The following ZNF536 variants were observed in gnomAD, a reference collection of about 807,000 sequenced individuals.
ZNF536 encodes the protein zinc finger protein 536.
A neutral mutation model predicts 84.5 loss-of-function variants in ZNF536; 13 were observed. That is an observed-to-expected ratio of 0.15 (90% CI 0.10 to 0.24). ZNF536 has a LOEUF of 0.24. Among genes scored for constraint, ZNF536 ranks in the 10% least tolerant of loss-of-function variants. The probability of loss-of-function intolerance (pLI) is 1.00; values close to 1 mark genes in which losing one functional copy is unlikely to be tolerated. For missense variants in ZNF536, 1,536 were observed against 1,747.5 expected, an observed-to-expected ratio of 0.88 and a Z score of 2.16; for synonymous variants, 811 against 742.5, an observed-to-expected ratio of 1.09 and a Z score of -1.50.
intron 2 of ZNF536, among the ~76,000 whole-genome samples, chr19:30,485,652 C>T (rs557485351): frequency 5.3e-5 from 8 of 150,522 alleles, no homozygotes; most frequent in Admixed American, 5.3e-4. Context: ...TGTGGAATTC[C>T]GTGTAAAGGC....
intron 1 of ZNF536, among the ~76,000 whole-genome samples, chr19:30,682,181 A>G: frequency 6.6e-6 from 1 of 152,110 alleles, no homozygotes; most frequent in East Asian, 1.9e-4. Flanking sequence ...TGACCCAGCC[A>G]GGCAAGGGGA....
chr19:30,683,576 C>G (rs1486097322), intron 1 of ZNF536, among the ~76,000 whole-genome samples: 1 of 151,726 alleles, frequency 6.6e-6, no homozygotes, highest in African/African-American at 2.4e-5. Flanking sequence ...CTTTTTCCCT[C>G]TGATGGTTTC....
At chr19:30,593,534 G>A (rs916920498) in intron 1 of ZNF536, among the ~76,000 whole-genome samples, 26 of 152,164 alleles carry the variant, frequency 1.7e-4, no homozygotes, top group Admixed American at 1.4e-3. Flanking sequence ...TCCTAAAAAG[G>A]TAGGCAGGCC....
chr19:30,383,672 CTT>C (rs1568376379), intron 1 of ZNF536, among the ~76,000 whole-genome samples: 7 of 24,008 alleles, frequency 2.9e-4, no homozygotes, highest in African/African-American at 1.1e-3. Context: ...CTCTTTCTTT[CTT>C]CCTTTCTTCC....
intron 1 of ZNF536, among the ~76,000 whole-genome samples, chr19:30,594,252 T>C (rs1392756931): frequency 1.3e-5 from 2 of 152,180 alleles, no homozygotes; most frequent in Admixed American, 6.5e-5. Flanking sequence ...CCAGCATCTG[T>C]CCATACACGG....
intron 1 of ZNF536, among the ~76,000 whole-genome samples, chr19:30,617,362 T>TTTTTTTTTTTTTA (rs1568607054): frequency 8.9e-6 from 1 of 112,180 alleles, no homozygotes; most frequent in East Asian, 2.7e-4. Flanking sequence ...TTTTTTTTTT[T>TTTTTTTTTTTTTA]TTTTATGAGA....
chr19:30,466,759 A>AGGAAGGAAGGAG, intron 2 of ZNF536, among the ~76,000 whole-genome samples: 1 of 51,656 alleles, frequency 1.9e-5, no homozygotes, highest in Non-Finnish European at 3.3e-5. Context: ...AAAGGAGGGA[A>AGGAAGGAAGGAG]GGAAGGAAGG....
chr19:30,375,400 G>A (rs1371370133), intron 1 of ZNF536, among the ~76,000 whole-genome samples: 1 of 152,036 alleles, frequency 6.6e-6, no homozygotes, highest in Non-Finnish European at 1.5e-5. Context: ...CTGGGTGCGC[G>A]GGGGCTCCCC....
intron 1 of ZNF536, among the ~76,000 whole-genome samples, chr19:30,253,469 T>C (rs772108700): frequency 1.3e-5 from 2 of 152,242 alleles, no homozygotes; most frequent in Non-Finnish European, 2.9e-5. Context: ...ACACGCGTTC[T>C]GTCATCAGGG....
chr19:30,387,832 AG>A (rs906348968), intron 1 of ZNF536, among the ~76,000 whole-genome samples: 2 of 152,160 alleles, frequency 1.3e-5, no homozygotes, highest in Admixed American at 1.3e-4. Flanking sequence ...AGCCCAGCCT[AG>A]AGAGGGGACT....
intron 1 of ZNF536, among the ~76,000 whole-genome samples, chr19:30,246,382 C>G (rs2024276624): frequency 6.6e-6 from 1 of 152,192 alleles, no homozygotes; most frequent in African/African-American, 2.4e-5. Flanking sequence ...TCGATTTTCT[C>G]CCGTCTGTCT....
At chr19:30,623,861 C>G (rs2048578391) in intron 1 of ZNF536, among the ~76,000 whole-genome samples, 1 of 152,148 alleles carries the variant, frequency 6.6e-6, no homozygotes, top group Non-Finnish European at 1.5e-5. Flanking sequence ...GTGTCTGGTA[C>G]TGGAGGGGCC....
At chr19:30,497,344 A>C (rs945551630) in intron 2 of ZNF536, among the ~76,000 whole-genome samples, 2 of 152,218 alleles carry the variant, frequency 1.3e-5, no homozygotes, top group African/African-American at 4.8e-5. Context: ...TGGCTGGGTC[A>C]TTCCTCATGC....
intron 2 of ZNF536, among the ~76,000 whole-genome samples, chr19:30,500,271 A>G (rs556729024): frequency 4.6e-5 from 7 of 152,310 alleles, no homozygotes; most frequent in African/African-American, 1.4e-4. Context: ...CTGGTTCTAG[A>G]ATCTCAGCAG....
rs376999780 is a variant in ZNF536, at chr19:30,412,942, A to C, written c.-2-30619A>C. ...CTTTTATTCAAGTATGTTACTTCTC[A>C]TTGTCATATCTGATAATTTTTTTAG... On this transcript the variant is annotated intron_variant, in intron 1 of 4. Transcript: ENST00000355537. Among the ~76,000 whole-genome samples, 57 of 152,072 alleles carry C rather than the reference A, an allele frequency of 3.7e-4. 1 individual carries two copies. The highest frequency in any genetic ancestry group is 3.5e-3 in the South Asian group (17 of 4,820).
intron 1 of ZNF536, among the ~76,000 whole-genome samples, chr19:30,426,398 C>T (rs1051398267): frequency 2.6e-5 from 4 of 152,162 alleles, no homozygotes; most frequent in South Asian, 2.1e-4. Context: ...TGCATGGAAA[C>T]GCTCTCTCCT....
At chr19:30,464,243 C>T (rs768753716) in intron 2 of ZNF536, among the ~76,000 whole-genome samples, 29 of 152,090 alleles carry the variant, frequency 1.9e-4, no homozygotes, top group Non-Finnish European at 3.5e-4. Flanking sequence ...AGGCCTGGGG[C>T]GATGGGGGTG....
intron 1 of ZNF536, among the ~76,000 whole-genome samples, chr19:30,639,163 G>A (rs1187634959): frequency 6.6e-6 from 1 of 152,114 alleles, no homozygotes; most frequent in Non-Finnish European, 1.5e-5. Context: ...TGTCAGACAT[G>A]GCGTATACAA....
intron 1 of ZNF536, among the ~76,000 whole-genome samples, chr19:30,631,644 G>C (rs2048893365): frequency 6.6e-6 from 1 of 152,152 alleles, no homozygotes; most frequent in Admixed American, 6.5e-5. Flanking sequence ...TGGACTGCTG[G>C]CCTAGAGTGA....
Sources: gnomAD v4.1 joint callset for allele counts (sites outside exome capture counted in the v4.1 genomes callset) on GRCh38, gnomAD v4.1.1 for gene constraint, MANE v1.5 for transcripts, NCBI Gene and HGNC (gene_info 2026-07-23, HGNC 2026-07-21) for gene names.